NVL: variants seen among roughly 807,000 people sequenced by gnomAD.
NVL encodes the protein nuclear valosin-containing protein-like.
A neutral mutation model predicts 110.2 loss-of-function variants in NVL; 84 were observed. The observed-to-expected ratio is 0.76, with a 90% CI of 0.64 to 0.91. The LOEUF (loss-of-function observed/expected upper bound fraction) is 0.91, where lower values mean the gene tolerates loss of function less well. Ranked by LOEUF, NVL falls within the 40% of genes least tolerant of loss-of-function variation. NVL has a pLI of 0.00. For missense variants in NVL, 882 were observed against 1,035.9 expected, an observed-to-expected ratio of 0.85 and a Z score of 2.04; for synonymous variants, 354 against 361.1, an observed-to-expected ratio of 0.98 and a Z score of 0.22.
intron 11 of NVL, among the ~76,000 whole-genome samples, chr1:224,295,349 C>T (rs572250378): frequency 3.9e-5 from 6 of 152,070 alleles, no homozygotes; most frequent in African/African-American, 7.2e-5. Context: ...CCCGCCACCA[C>T]GCCCGGCTAA....
At position 224,247,199 on chromosome 1, in the gene NVL, T is replaced by C. The variant is rs1369761725; in HGVS notation, c.2289+3013A>G. ...ACTTTGGCATTACTGACATTTTGAG[T>C]CGGATAATACTTTTTTTTCCTTTGA... is the stretch of plus-strand genomic sequence containing the variant. On this transcript the variant is annotated intron_variant, in intron 19 of 22. Coordinates refer to ENST00000281701, the MANE Select transcript of NVL (RefSeq NM_002533.4). Among the ~76,000 whole-genome samples, 5 of 151,890 alleles carry C rather than the reference T, an allele frequency of 3.3e-5. No individual in the cohort carries two copies. In the South Asian group the frequency reaches 8.3e-4, roughly 25 times the overall value.
chr1:224,286,217 T>G (rs908620758), intron 14 of NVL, 87 bp from the exon 15 acceptor site: 10 of 743,906 alleles, frequency 1.3e-5, no homozygotes, highest in African/African-American at 5.7e-5. Context: ...ATTTTATGGT[T>G]TTTTTTTTTT....
rs377365383 is a variant in NVL, at chr1:224,258,958, C to T, written c.2183-8640G>A. Among the ~76,000 whole-genome samples the T allele has an allele frequency of 2.5e-4, 24 of 96,224 alleles. No individual in the cohort carries two copies. In the East Asian group the frequency reaches 7.0e-3, roughly 28 times the overall value. 63.1% of individuals were successfully genotyped at this position (96,224 alleles called of 152,430 possible). On this transcript the variant is annotated intron_variant, in intron 18 of 22. Transcript: ENST00000281701. ...AGGAGTGCGAGACCAACCTGGTTAA[C>T]ATGAGACCCTGTCTCTACATTAAAA...
intron 7 of NVL, 91 bp from the exon 8 acceptor site, chr1:224,304,903 T>C (rs1254943946): frequency 6.7e-7 from 1 of 1,487,086 alleles, no homozygotes; most frequent in Non-Finnish European, 9.3e-7. Flanking sequence ...CAAAGGTCCA[T>C]TAAATATAGA....
chr1:224,310,733 C>T (rs114520700), intron 5 of NVL, among the ~76,000 whole-genome samples: 60 of 150,940 alleles, frequency 4.0e-4, no homozygotes, highest in Admixed American at 7.3e-4. Flanking sequence ...TTCTTTCCTT[C>T]TCCTCTCTCT....
intron 19 of NVL, among the ~76,000 whole-genome samples, chr1:224,239,974 T>C (rs1403817326): frequency 6.6e-6 from 1 of 151,998 alleles, no homozygotes; most frequent in Non-Finnish European, 1.5e-5. Flanking sequence ...CTCGGCTCAC[T>C]GCAACTTACG....
At position 224,289,737 on chromosome 1, in the gene NVL, T is replaced by C. The variant is rs1357618773; in HGVS notation, c.1326-4A>G. 6.3e-7 allele frequency: 1 copy of C among 1,597,176 alleles called. No individual in the cohort carries two copies. The highest frequency in any genetic ancestry group is 1.7e-5 in the Admixed American group (1 of 57,766). ...TCTGCACAATGTTTGAAGTATTCTGTAGAAAAGACAGGGGAAAAAATTTCT... is the reference window on the plus strand; with the variant it reads ...TCTGCACAATGTTTGAAGTATTCTGCAGAAAAGACAGGGGAAAAAATTTCT... On this transcript the variant is annotated splice_region_variant and splice_polypyrimidine_tract_variant and intron_variant, in intron 12 of 22. Coordinates refer to ENST00000281701, the MANE Select transcript of NVL (RefSeq NM_002533.4).
intron 18 of NVL, among the ~76,000 whole-genome samples, chr1:224,262,414 C>CA (rs1224138321): frequency 6.6e-6 from 1 of 151,760 alleles, no homozygotes; most frequent in East Asian, 1.9e-4. Flanking sequence ...TACAAGCAGT[C>CA]AAAAAAATCT....
At chr1:224,259,523 T>G (rs1030612378) in intron 18 of NVL, among the ~76,000 whole-genome samples, 1 of 152,176 alleles carries the variant, frequency 6.6e-6, no homozygotes, top group Non-Finnish European at 1.5e-5. Flanking sequence ...TAAAGCTTTT[T>G]AAAAAAATGA....
chr1:224,329,594 A>C (rs147325635), intron 1 of NVL, among the ~76,000 whole-genome samples: 186 of 152,332 alleles, frequency 1.2e-3, no homozygotes, highest in African/African-American at 4.4e-3. Flanking sequence ...TGAAAATGAG[A>C]AAACCGTAGG....
At chr1:224,257,423 C>T (rs1360287147) in intron 18 of NVL, among the ~76,000 whole-genome samples, 1 of 152,100 alleles carries the variant, frequency 6.6e-6, no homozygotes, top group Admixed American at 6.5e-5. Context: ...TATAAATGGA[C>T]CCTCAATTTT....
intron 22 of NVL, among the ~76,000 whole-genome samples, chr1:224,230,152 C>T (rs1419630829): frequency 1.3e-5 from 2 of 152,104 alleles, no homozygotes; most frequent in African/African-American, 4.8e-5. Flanking sequence ...TTTTTTTTAA[C>T]CCTTCTCCCA....
chr1:224,258,577 C>T (rs545911937), intron 18 of NVL, among the ~76,000 whole-genome samples: 3 of 152,098 alleles, frequency 2.0e-5, no homozygotes, highest in Admixed American at 6.6e-5. Flanking sequence ...AACATATGTC[C>T]ATACAAAAAT....
chr1:224,280,486 G>T (rs1666216485), intron 16 of NVL, among the ~76,000 whole-genome samples: 2 of 151,710 alleles, frequency 1.3e-5, no homozygotes, highest in African/African-American at 4.8e-5. Context: ...TCAAAACCAA[G>T]TACAAGAAAA....
chr1:224,253,060 T>C (rs940435931), intron 18 of NVL, among the ~76,000 whole-genome samples: 4 of 152,142 alleles, frequency 2.6e-5, no homozygotes, highest in Middle Eastern at 3.2e-3. Flanking sequence ...TGCTTTTTTT[T>C]TTAATGACAG....
intron 17 of NVL, among the ~76,000 whole-genome samples, chr1:224,271,804 A>G (rs1421623642): frequency 6.6e-6 from 1 of 152,058 alleles, no homozygotes; most frequent in East Asian, 1.9e-4. Flanking sequence ...CGAGGTCAGG[A>G]GTTCGAGACC....
intron 4 of NVL, among the ~76,000 whole-genome samples, chr1:224,315,914 G>C (rs900301662): frequency 1.3e-5 from 2 of 152,150 alleles, no homozygotes; most frequent in African/African-American, 4.8e-5. Flanking sequence ...AAACAGATAG[G>C]TCAGGCAAGG....
intron 9 of NVL, chr1:224,301,605 C>A (rs1302570455): frequency 8.4e-6 from 2 of 238,730 alleles, no homozygotes; most frequent in South Asian, 3.4e-5. Flanking sequence ...AGTTTGAGAC[C>A]AGCCTGGGCA....
chr1:224,232,976 T>C (rs1660063031), intron 21 of NVL: 1 of 402,942 alleles, frequency 2.5e-6, no homozygotes, highest in African/African-American at 2.1e-5. Flanking sequence ...CATTTGCCTA[T>C]AGGGACAGTA....
Sources: allele counts gnomAD v4.1 joint callset (sites outside exome capture counted in the v4.1 genomes callset), GRCh38; gene constraint gnomAD v4.1.1; transcripts MANE v1.5; gene names NCBI Gene and HGNC (gene_info 2026-07-23, HGNC 2026-07-21).